Variants in COMT observed in about 807,000 individuals in gnomAD.
COMT encodes catechol O-methyltransferase.
COMT carries 13 observed loss-of-function variants against 18.9 expected under a neutral mutation model. The ratio of observed to expected loss-of-function variants is 0.69; its 90% CI spans 0.45 to 1.09. The LOEUF (loss-of-function observed/expected upper bound fraction) is 1.09. Among genes scored for constraint, COMT ranks in the 50% least tolerant of loss-of-function variants. The pLI is 0.00. For missense variants in COMT, 329 were observed against 361.8 expected (o/e 0.91, Z 0.73); for synonymous variants, 150 against 160.9 (o/e 0.93, Z 0.51).
chr22:19,951,549 C>T (rs1199363592), intron 1 of COMT: 1 of 152,196 alleles, frequency 6.6e-6, no homozygotes. Flanking sequence ...GCTGTGTACA[C>T]TGTGTGCTCC....
rs571085983 is a variant in COMT at position 19,941,787 on chromosome 22, A to G, written c.-202A>G. ...GCGCCCTCCTAATCCCCGCAGCGCC[A>G]CCGCCATTGCCGCCATCGTCGTGGG... is the stretch of plus-strand genomic sequence containing the variant. On this transcript the variant is annotated 5_prime_UTR_variant, in exon 1 of 6. Coordinates refer to ENST00000361682, the MANE Select transcript of COMT (RefSeq NM_000754.4). The G allele has an allele frequency of 2.6e-6, 4 of 1,528,088 alleles. No homozygotes were observed. The highest frequency in any genetic ancestry group is 2.6e-6 in the Non-Finnish European group (3 of 1,147,958). The allele number at this position is 1,528,088 out of a possible 1,614,324, so 94.7% of individuals were successfully genotyped here.
In COMT at chr22:19,962,802, G is replaced by A; in HGVS notation, c.276G>A (p.Val92=). ...YCEQKEWAMN[V]GDKKGKIVDA... ...AGCAGAAGGAGTGGGCCATGAACGTGGGCGACAAGAAAGGTGGGGTCCGGG... is the reference window on the plus strand; with the variant it reads ...AGCAGAAGGAGTGGGCCATGAACGTAGGCGACAAGAAAGGTGGGGTCCGGG... The change falls in exon 3 of 6, where the codon GTG becomes GTA. Residue 92 remains valine (V), a synonymous_variant. Transcript: ENST00000361682. 1 of 1,604,842 alleles carries A rather than the reference G, an allele frequency of 6.2e-7. No individual in the cohort carries two copies. The highest frequency in any genetic ancestry group is 8.5e-7 in the Non-Finnish European group (1 of 1,172,616).
intron 1 of COMT, among the ~76,000 whole-genome samples, chr22:19,957,740 A>G (rs1167450808): frequency 6.6e-6 from 1 of 152,102 alleles, no homozygotes; most frequent in African/African-American, 2.4e-5. Flanking sequence ...TGTGCTGGAG[A>G]GGTAAGACCA....
Position 19,941,877 on chromosome 22 carries a change from G to C in COMT, c.-112G>C, listed in dbSNP as rs1941736191. On this transcript the variant is annotated 5_prime_UTR_variant, in exon 1 of 6. Transcript: ENST00000361682. ...GCCGGACCGGGGCGGGTCCAGTCCC[G>C]GGCGGGCCGTCGCGGGAGAGGTGAG... 6 of 1,387,238 alleles carry C rather than the reference G, an allele frequency of 4.3e-6. No individual in the cohort carries two copies. Among genetic ancestry groups the C allele is most frequent in the East Asian group, 3.0e-5 (1 of 32,866 alleles). The allele number at this position is 1,387,238 out of a possible 1,614,324, so 85.9% of individuals were successfully genotyped here. A position where few individuals can be genotyped will look rare whatever the true frequency, so the allele number is the denominator to read the frequency against.
chr22:19,962,305 C>A, intron 2 of COMT: 1 of 695,878 alleles, frequency 1.4e-6, no homozygotes, highest in Non-Finnish European at 2.4e-6. Flanking sequence ...ACAGGACTGC[C>A]AGAGGCACAC....
intron 1 of COMT, among the ~76,000 whole-genome samples, chr22:19,954,218 C>CAAAAAA (rs361699): frequency 0.21 from 27,560 of 134,218 alleles, 3,214 homozygotes; most frequent in East Asian, 0.32. Flanking sequence ...GGTATTGAGT[C>CAAAAAA]AAAAAAAAAA....
Position 19,964,235 on chromosome 22 carries a change from C to T in COMT, c.551C>T (p.Thr184Ile). 1 of 1,614,130 alleles carries T rather than the reference C, an allele frequency of 6.2e-7. No homozygotes were observed. The highest frequency in any genetic ancestry group is 8.5e-7 in the Non-Finnish European group (1 of 1,180,032). ...PQLKKKYDVDTLDMVFLDHWK... is the reference protein window; with the variant it reads ...PQLKKKYDVDILDMVFLDHWK... ...CTGAAGAAGAAGTATGATGTGGACACACTGGACATGGTCTTCCTCGACCAC... is the reference window on the plus strand; with the variant it reads ...CTGAAGAAGAAGTATGATGTGGACATACTGGACATGGTCTTCCTCGACCAC... The change falls in exon 5 of 6, where the codon ACA becomes ATA. Residue 184 changes from threonine (T) to isoleucine (I), a missense_variant. Transcript: ENST00000361682.
At chr22:19,945,783 A>G (rs1362262353) in intron 1 of COMT, among the ~76,000 whole-genome samples, 1 of 152,078 alleles carries the variant, frequency 6.6e-6, no homozygotes, top group East Asian at 1.9e-4. Flanking sequence ...CTCCTGCCTC[A>G]GCCTCCCGAG....
At chr22:19,947,792 C>T (rs1045913960) in intron 1 of COMT, among the ~76,000 whole-genome samples, 7 of 152,152 alleles carry the variant, frequency 4.6e-5, no homozygotes, top group Admixed American at 4.6e-4. Context: ...CTCTAACTCC[C>T]ACAGGGAAAG....
At chr22:19,950,050 TG>T (rs1208963569) in intron 1 of COMT, among the ~76,000 whole-genome samples, 1 of 152,174 alleles carries the variant, frequency 6.6e-6, no homozygotes, top group Non-Finnish European at 1.5e-5. Flanking sequence ...AGATATTCAA[TG>T]AATGTCTATT....
intron 1 of COMT, among the ~76,000 whole-genome samples, chr22:19,957,012 G>A (rs567126595): frequency 3.3e-5 from 5 of 150,404 alleles, no homozygotes; most frequent in East Asian, 2.0e-4. Context: ...GTGCAGTGGC[G>A]TGATCTCGGC....
At chr22:19,964,831 G>T (rs554181296) in intron 5 of COMT, 4 of 300,410 alleles carry the variant, frequency 1.3e-5, no homozygotes, top group Non-Finnish European at 2.6e-5. Flanking sequence ...TTCCCTGGGG[G>T]GCGTGGGGCA....
chr22:19,964,487 G>C (rs1361181683), intron 5 of COMT, 188 bp downstream of exon 5: 1 of 886,902 alleles, frequency 1.1e-6, no homozygotes, highest in East Asian at 2.6e-5. Context: ...AGATGGGTGG[G>C]GAGCTGGGCC....
chr22:19,968,778 G>T lies in COMT; in HGVS notation c.*42G>T. The T allele has an allele frequency of 1.3e-6, 2 of 1,576,224 alleles. No individual in the cohort carries two copies. The highest frequency in any genetic ancestry group is 1.1e-5 in the South Asian group (1 of 88,968). On this transcript the variant is annotated 3_prime_UTR_variant, in exon 6 of 6. Transcript: ENST00000361682. The stretch of plus-strand genomic sequence containing the variant: ...CCTCTCGGGCTCTCTCACCCAGCCT[G>T]GTACTGAAGGTGCCAGACGTGCTCC...
rs192752809 is a variant in COMT, at chr22:19,945,852, A to G, written c.-92+3955A>G. ...GGCTAATTTTTTGTGTTTTTAGTAG[A>G]GATGGGGTTTCACTGTGTTAGCAAG... is the stretch of plus-strand genomic sequence containing the variant. On this transcript the variant is annotated intron_variant, in intron 1 of 5. Transcript: ENST00000361682. Among the ~76,000 whole-genome samples the G allele has an allele frequency of 2.6e-5, 4 of 152,236 alleles. No individual in the cohort carries two copies. The East Asian group carries it at 7.7e-4, about 29-fold the overall frequency.
chr22:19,963,977 C>G lies in COMT; in HGVS notation c.484-191C>G, dbSNP rs562546579. On this transcript the variant is annotated intron_variant, in intron 4 of 5. Coordinates refer to ENST00000361682, the MANE Select transcript of COMT (RefSeq NM_000754.4). ...CTCTGGGTAAACTGCCAAGGTGGCA[C>G]CAGGAGGGGCAGGGACAGAGTGGGG... 6 of 1,258,208 alleles carry G rather than the reference C, an allele frequency of 4.8e-6. No homozygotes were observed. In the African/African-American group the frequency reaches 7.4e-5, roughly 16 times the overall value. The allele number at this position is 1,258,208 out of a possible 1,614,324, so 77.9% of individuals were successfully genotyped here.
At chr22:19,957,826 G>A (rs1258685118) in intron 1 of COMT, among the ~76,000 whole-genome samples, 1 of 152,210 alleles carries the variant, frequency 6.6e-6, no homozygotes, top group Non-Finnish European at 1.5e-5. Context: ...CCAGGCAGCC[G>A]GTGCAGAAGG....
intron 5 of COMT, among the ~76,000 whole-genome samples, chr22:19,965,878 CT>C (rs1039579769): frequency 1.3e-5 from 2 of 152,146 alleles, no homozygotes; most frequent in African/African-American, 4.8e-5. Flanking sequence ...GGGCTCACCC[CT>C]GACAAAGGAG....
At chr22:19,955,016 G>A (rs34966851) in intron 1 of COMT, among the ~76,000 whole-genome samples, 1 of 152,268 alleles carries the variant, frequency 6.6e-6, no homozygotes, top group Non-Finnish European at 1.5e-5. Flanking sequence ...CATTTTTATT[G>A]TGGTGTTGTT....
Sources: allele counts gnomAD v4.1 joint callset (sites outside exome capture counted in the v4.1 genomes callset), GRCh38; gene constraint gnomAD v4.1.1; transcripts MANE v1.5; gene names NCBI Gene and HGNC (gene_info 2026-07-23, HGNC 2026-07-21).